The following TMEM135 variants were observed in gnomAD, a reference collection of about 807,000 sequenced individuals.
TMEM135 encodes peroxisomal membrane protein 52.
Under a neutral mutation model 60.3 loss-of-function variants are expected in TMEM135, and 30 were observed. That is an observed-to-expected ratio of 0.50 (90% CI 0.37 to 0.68). The LOEUF (loss-of-function observed/expected upper bound fraction) is 0.68, where lower values mean the gene tolerates loss of function less well. Among genes scored for constraint, TMEM135 ranks in the 30% least tolerant of loss-of-function variants. TMEM135 has a pLI of 0.00. For synonymous variants in TMEM135, 190 were observed against 186.7 expected (o/e 1.02, Z -0.14); for missense variants, 468 against 548.8 (o/e 0.85, Z 1.47).
intron 6 of TMEM135, among the ~76,000 whole-genome samples, chr11:87,284,745 T>C (rs1942132500): frequency 6.6e-6 from 1 of 152,238 alleles, no homozygotes; most frequent in African/African-American, 2.4e-5. Context: ...ATATAATGTG[T>C]TCATAAAGGA....
At chr11:87,260,882 A>C (rs1213698795) in intron 6 of TMEM135, among the ~76,000 whole-genome samples, 2 of 152,180 alleles carry the variant, frequency 1.3e-5, no homozygotes, top group Non-Finnish European at 2.9e-5. Context: ...ATGCAGATTA[A>C]GATTCAGTAG....
rs866978728 is a variant in TMEM135 at position 87,095,343 on chromosome 11, T to C, written c.396+3948T>C. 36 of 214,550 alleles carry C rather than the reference T, an allele frequency of 1.7e-4. No individual in the cohort carries two copies. The Middle Eastern group carries it at 0.013, about 80-fold the overall frequency. 13.3% of individuals were successfully genotyped at this position (214,550 alleles called of 1,614,324 possible). Reference sequence around the variant, plus strand: ...CTGCCACCAGCCAGCACTATAAGGTTCCCAATTTTTCAGTTTTCTACCACA... The same window carrying C: ...CTGCCACCAGCCAGCACTATAAGGTCCCCAATTTTTCAGTTTTCTACCACA... On this transcript the variant is annotated intron_variant, in intron 4 of 14. Transcript: ENST00000305494.
intron 4 of TMEM135, among the ~76,000 whole-genome samples, chr11:87,093,232 T>G (rs1421678911): frequency 6.6e-6 from 1 of 152,120 alleles, no homozygotes; most frequent in African/African-American, 2.4e-5. Flanking sequence ...ATTTATTTTA[T>G]GTTTTTGGTC....
At position 87,259,400 on chromosome 11, in the gene TMEM135, G is replaced by A. The variant is rs146138362; in HGVS notation, c.509+22716G>A. 2.5e-3 allele frequency: 608 copies of A among 246,046 alleles called. 5 individuals carry two copies. The highest frequency in any genetic ancestry group is 0.012 in the African/African-American group (527 of 44,434). The allele number at this position is 246,046 out of a possible 1,614,324, so 15.2% of individuals were successfully genotyped here. ...TATGTGTGTGTGTATATGTGTATGT[G>A]TGTACGCGTGTAGAGCGGGAATACA... On this transcript the variant is annotated intron_variant, in intron 6 of 14. Transcript: ENST00000305494.
chr11:87,229,297 G>A (rs927653562), intron 5 of TMEM135, among the ~76,000 whole-genome samples: 3 of 151,848 alleles, frequency 2.0e-5, no homozygotes, highest in Admixed American at 2.0e-4. Flanking sequence ...TAAAGCATAC[G>A]AAAAAGTAGT....
At chr11:87,186,680 A>G (rs920003350) in intron 5 of TMEM135, among the ~76,000 whole-genome samples, 2 of 152,166 alleles carry the variant, frequency 1.3e-5, no homozygotes, top group African/African-American at 4.8e-5. Flanking sequence ...TACTCATTTA[A>G]CCTCGTATAT....
intron 6 of TMEM135, among the ~76,000 whole-genome samples, chr11:87,291,773 C>T (rs1365674701): frequency 6.6e-6 from 1 of 151,908 alleles, no homozygotes; most frequent in African/African-American, 2.4e-5. Context: ...AAACTCCTAA[C>T]CTCAGGTGAT....
intron 5 of TMEM135, among the ~76,000 whole-genome samples, chr11:87,212,290 C>T (rs1940389029): frequency 1.3e-5 from 2 of 151,862 alleles, no homozygotes; most frequent in South Asian, 4.2e-4. Context: ...TACCTCTCGC[C>T]CCAATTGTGA....
At chr11:87,129,852 A>T (rs889954886) in intron 4 of TMEM135, among the ~76,000 whole-genome samples, 6 of 152,036 alleles carry the variant, frequency 3.9e-5, no homozygotes, top group Non-Finnish European at 8.8e-5. Context: ...TTATTTCTTA[A>T]TGTTTTTGTC....
At position 87,321,249 on chromosome 11, in the gene TMEM135, A is replaced by G. The variant is rs879033458; in HGVS notation, c.1293A>G (p.Ala431=). 6.2e-7 allele frequency: 1 copy of G among 1,613,726 alleles called. No individual in the cohort carries two copies. Among genetic ancestry groups the G allele is most frequent in the South Asian group, 1.1e-5 (1 of 91,080 alleles). ...TCCTTGATGTTTTTGGTACTGGTGC[A>G]TCTAAACACTTTCAGGATTTCATCC... is the stretch of plus-strand genomic sequence containing the variant. ...RKVLDVFGTG[A]SKHFQDFIPR... The change falls in exon 15 of 15, where the codon GCA becomes GCG. Residue 431 remains alanine, a synonymous_variant. Transcript: ENST00000305494.
At chr11:87,154,938 G>T (rs1938649467) in intron 4 of TMEM135, among the ~76,000 whole-genome samples, 1 of 152,190 alleles carries the variant, frequency 6.6e-6, no homozygotes, top group African/African-American at 2.4e-5. Flanking sequence ...TAATTTTGTT[G>T]ATAGAGTCCT....
intron 2 of TMEM135, among the ~76,000 whole-genome samples, chr11:87,069,786 G>T (rs906629058): frequency 6.6e-6 from 1 of 152,108 alleles, no homozygotes; most frequent in Non-Finnish European, 1.5e-5. Flanking sequence ...GTCTTCACAG[G>T]TGGAAGGTTT....
chr11:87,057,307 A>G (rs887921868), intron 1 of TMEM135, among the ~76,000 whole-genome samples: 2 of 152,228 alleles, frequency 1.3e-5, no homozygotes, highest in Admixed American at 6.5e-5. Flanking sequence ...TTTGAATGGT[A>G]TGATTTTCAT....
intron 7 of TMEM135, among the ~76,000 whole-genome samples, chr11:87,298,803 A>T (rs1034491418): frequency 7.3e-6 from 1 of 136,070 alleles, no homozygotes; most frequent in Non-Finnish European, 1.6e-5. Context: ...AAAAAAAAAA[A>T]ACAGCCGGGC....
chr11:87,072,517 A>G (rs1426785855), intron 3 of TMEM135, among the ~76,000 whole-genome samples: 1 of 152,016 alleles, frequency 6.6e-6, no homozygotes. Flanking sequence ...AGTAGCTGGG[A>G]TTACAGGCGC....
Position 87,091,373 on chromosome 11 carries a change from T to G in TMEM135, c.374T>G (p.Leu125Arg). The G allele has an allele frequency of 6.2e-7, 1 of 1,612,302 alleles. No individual in the cohort carries two copies. Among genetic ancestry groups the G allele is most frequent in the Non-Finnish European group, 8.5e-7 (1 of 1,178,944 alleles). The change falls in exon 4 of 15, where the codon CTC becomes CGC. Residue 125 changes from leucine to arginine, a missense_variant. Physicochemically the swap from Leu to Arg is moderately radical, Grantham distance 102. Coordinates refer to ENST00000305494, the MANE Select transcript of TMEM135 (RefSeq NM_022918.4). ...AAAATTATTTGCAGGAGAGGGCTGC[T>G]CACAATTTATATGGCCAACTTGGTA... ...LIERKSRRGL[L>R]TIYMANLATE... is the part of the protein sequence containing the mutation.
chr11:87,046,074 A>C (rs1384081303), intron 1 of TMEM135, among the ~76,000 whole-genome samples: 1 of 152,214 alleles, frequency 6.6e-6, no homozygotes, highest in African/African-American at 2.4e-5. Context: ...GTACAGATAA[A>C]AATAAAAGTA....
intron 10 of TMEM135, among the ~76,000 whole-genome samples, chr11:87,311,704 A>G (rs1303139186): frequency 6.6e-6 from 1 of 152,058 alleles, no homozygotes; most frequent in Non-Finnish European, 1.5e-5. Context: ...GGTGTGTTCA[A>G]AAATTGTATG....
rs954134852 is a variant in TMEM135 at position 87,221,254 on chromosome 11, T to C, written c.463-15384T>C. Among the ~76,000 whole-genome samples the C allele has an allele frequency of 6.6e-5, 10 of 152,328 alleles. No homozygotes were observed. The East Asian group carries it at 1.7e-3, about 26-fold the overall frequency. On this transcript the variant is annotated intron_variant, in intron 5 of 14. Coordinates refer to ENST00000305494, the MANE Select transcript of TMEM135 (RefSeq NM_022918.4). ...TCATTCTGAAACCTGTTAGTCTTCT[T>C]AGATGCAGGCATTATGAAAAAACCA...
Sources: allele counts gnomAD v4.1 joint callset (sites outside exome capture counted in the v4.1 genomes callset), GRCh38; gene constraint gnomAD v4.1.1; transcripts MANE v1.5; gene names NCBI Gene and HGNC (gene_info 2026-07-23, HGNC 2026-07-21).